The following PAPPA2 variants were observed in gnomAD, a reference collection of about 807,000 sequenced individuals.
PAPPA2 encodes pappalysin-2.
In PAPPA2, 86 loss-of-function variants were observed where a neutral mutation model predicts 176.4. The observed-to-expected ratio is 0.49, with a 90% confidence interval of 0.41 to 0.58. PAPPA2 has a LOEUF of 0.58. Among genes scored for constraint, PAPPA2 ranks in the 20% least tolerant of loss-of-function variants. PAPPA2 has a pLI of 0.00. For missense variants in PAPPA2, 2,073 were observed against 2,256.9 expected (o/e 0.92, Z 1.65); for synonymous variants, 809 against 852.2 (o/e 0.95, Z 0.88).
chr1:176,576,868 G>A (rs1166684753), intron 2 of PAPPA2, among the ~76,000 whole-genome samples: 9 of 152,122 alleles, frequency 5.9e-5, no homozygotes, highest in Admixed American at 4.6e-4. Context: ...CTTCTGACAG[G>A]TGCTGCTGAT....
intron 3 of PAPPA2, among the ~76,000 whole-genome samples, chr1:176,620,978 A>T (rs915059988): frequency 6.6e-6 from 1 of 152,204 alleles, no homozygotes; most frequent in African/African-American, 2.4e-5. Flanking sequence ...AGATACCAGC[A>T]AAGAGGTTAA....
chr1:176,624,908 A>C (rs1430592056), intron 3 of PAPPA2, among the ~76,000 whole-genome samples: 1 of 152,154 alleles, frequency 6.6e-6, no homozygotes, highest in Admixed American at 6.5e-5. Flanking sequence ...GGCAGGCAGG[A>C]GAGTGGATGT....
chr1:176,491,159 C>T lies in PAPPA2; in HGVS notation c.-917+27741C>T, dbSNP rs2102493517. Reference sequence around the variant, plus strand: ...TGATCAGACATTTACTACATGCTGGCTAAGTGCCAGGCACTATGGAAAGGC... The same window carrying T: ...TGATCAGACATTTACTACATGCTGGTTAAGTGCCAGGCACTATGGAAAGGC... On this transcript the variant is annotated intron_variant, in intron 1 of 22. Coordinates refer to ENST00000367662, the MANE Select transcript of PAPPA2 (RefSeq NM_020318.3). 2.6e-5 allele frequency among the ~76,000 whole-genome samples: 4 copies of T among 152,332 alleles called. No homozygotes were observed. In the South Asian group the frequency reaches 8.3e-4, roughly 32 times the overall value.
chr1:176,666,324 A>G (rs1336034344), intron 3 of PAPPA2, among the ~76,000 whole-genome samples: 1 of 152,188 alleles, frequency 6.6e-6, no homozygotes, highest in Non-Finnish European at 1.5e-5. Context: ...TAAGCAGTCA[A>G]TGACAACTTT....
intron 17 of PAPPA2, among the ~76,000 whole-genome samples, chr1:176,778,048 T>TAA (rs57909250): frequency 7.7e-6 from 1 of 130,712 alleles, no homozygotes; most frequent in African/African-American, 2.7e-5. Context: ...CAAAACAAAT[T>TAA]AAAAAAAAAA....
chr1:176,827,119 A>G (rs1011417383), intron 21 of PAPPA2, among the ~76,000 whole-genome samples: 3 of 152,168 alleles, frequency 2.0e-5, no homozygotes, highest in Admixed American at 2.0e-4. Flanking sequence ...GCCTTTTTCT[A>G]TTCCATATTA....
Position 176,595,196 on chromosome 1 carries a change from A to G in PAPPA2, c.1592A>G (p.Asn531Ser), listed in dbSNP as rs756074872. ...AAGGTGATACGCTACCAGGTGGTGA[A>G]CATCTGTGATGATGAGGGCCTAAAC... ...GEKVIRYQVV[N>S]ICDDEGLNPI... The change falls in exon 3 of 23, where the codon AAC becomes AGC. Residue 531 changes from asparagine (N) to serine (S), a missense_variant. Coordinates refer to ENST00000367662, the MANE Select transcript of PAPPA2 (RefSeq NM_020318.3). 6.2e-7 allele frequency: 1 copy of G among 1,614,186 alleles called. No homozygotes were observed. Among genetic ancestry groups the G allele is most frequent in the Non-Finnish European group, 8.5e-7 (1 of 1,180,030 alleles).
chr1:176,618,193 A>G (rs1655381013), intron 3 of PAPPA2, among the ~76,000 whole-genome samples: 1 of 152,214 alleles, frequency 6.6e-6, no homozygotes, highest in African/African-American at 2.4e-5. Flanking sequence ...GGAATGTTGC[A>G]GATTTTTATA....
chr1:176,532,955 C>G (rs1649893467), intron 1 of PAPPA2, among the ~76,000 whole-genome samples: 1 of 152,220 alleles, frequency 6.6e-6, no homozygotes, highest in Non-Finnish European at 1.5e-5. Context: ...CCATGGCAAT[C>G]TTGTGGGTGG....
chr1:176,717,691 A>G (rs928528550), intron 12 of PAPPA2, among the ~76,000 whole-genome samples: 1 of 152,250 alleles, frequency 6.6e-6, no homozygotes, highest in African/African-American at 2.4e-5. Flanking sequence ...TTTCTGAGAA[A>G]GTGGAGTTGA....
In PAPPA2 at chr1:176,498,048, A is replaced by G. The variant is rs558559316; in HGVS notation, c.-917+34630A>G. 1.1e-4 allele frequency among the ~76,000 whole-genome samples: 16 copies of G among 152,288 alleles called. No individual in the cohort carries two copies. The East Asian group carries it at 3.1e-3, about 29-fold the overall frequency. The stretch of plus-strand genomic sequence containing the variant: ...GCTCTGCACATCCCTTTAATTGTCT[A>G]GGCCTCTTTTAAAACATAGTACTCA... On this transcript the variant is annotated intron_variant, in intron 1 of 22. Coordinates refer to ENST00000367662, the MANE Select transcript of PAPPA2 (RefSeq NM_020318.3).
chr1:176,545,645 G>GGACTT (rs745854952), intron 1 of PAPPA2, among the ~76,000 whole-genome samples: 3 of 152,032 alleles, frequency 2.0e-5, no homozygotes, highest in Admixed American at 6.6e-5. Context: ...TTTATATAAG[G>GGACTT]GACTTGAGCA....
At position 176,586,132 on chromosome 1, in the gene PAPPA2, C is replaced by T. The variant is rs1038926131; in HGVS notation, c.920-8392C>T. ...TTCTGTGCATCCAGTAGAACAGTCA[C>T]CTCTTCCAATTTTATGAAATAGATT... On this transcript the variant is annotated intron_variant, in intron 2 of 22. Transcript: ENST00000367662. Among the ~76,000 whole-genome samples the T allele has an allele frequency of 2.0e-5, 3 of 152,216 alleles. No homozygotes were observed. In the South Asian group the frequency reaches 6.2e-4, roughly 32 times the overall value.
chr1:176,721,816 T>G (rs1661636008), intron 12 of PAPPA2, among the ~76,000 whole-genome samples: 1 of 152,152 alleles, frequency 6.6e-6, no homozygotes, highest in Non-Finnish European at 1.5e-5. Flanking sequence ...CAAAAAAATT[T>G]TTTTCAGGTA....
rs981017620 is a variant in PAPPA2 at position 176,581,873 on chromosome 1, G to T, written c.920-12651G>T. Among the ~76,000 whole-genome samples, 25 of 148,478 alleles carry T rather than the reference G, an allele frequency of 1.7e-4. No individual in the cohort carries two copies. The East Asian group carries it at 2.8e-3, about 16-fold the overall frequency. ...TTTTTTAAATTTTTGTTTATTTTTTGGGGGGGTGGAGTCTTTAGATTTTTC... is the reference window on the plus strand; with the variant it reads ...TTTTTTAAATTTTTGTTTATTTTTTTGGGGGGTGGAGTCTTTAGATTTTTC... On this transcript the variant is annotated intron_variant, in intron 2 of 22. Transcript: ENST00000367662.
intron 4 of PAPPA2, among the ~76,000 whole-genome samples, chr1:176,677,698 G>A (rs1210187792): frequency 6.6e-6 from 1 of 151,888 alleles, no homozygotes; most frequent in Non-Finnish European, 1.5e-5. Flanking sequence ...CTTACTCATT[G>A]GATACCATAC....
At chr1:176,705,993 A>G (rs1332642791) in intron 9 of PAPPA2, among the ~76,000 whole-genome samples, 1 of 152,204 alleles carries the variant, frequency 6.6e-6, no homozygotes, top group African/African-American at 2.4e-5. Context: ...TACCATCATC[A>G]GCTATTTTAA....
At chr1:176,785,255 T>C (rs556163911) in intron 17 of PAPPA2, among the ~76,000 whole-genome samples, 258 of 152,252 alleles carry the variant, frequency 1.7e-3, no homozygotes, top group Non-Finnish European at 2.8e-3. Flanking sequence ...TACCATGAAT[T>C]CTCAAGACTT....
intron 21 of PAPPA2, among the ~76,000 whole-genome samples, chr1:176,805,917 A>G (rs1379734630): frequency 7.3e-6 from 1 of 137,472 alleles, no homozygotes; most frequent in East Asian, 2.4e-4. Context: ...TGAGTCCAGG[A>G]GTTTAGGTTA....
Sources: allele counts gnomAD v4.1 joint callset (sites outside exome capture counted in the v4.1 genomes callset), GRCh38; gene constraint gnomAD v4.1.1; transcripts MANE v1.5; gene names NCBI Gene and HGNC (gene_info 2026-07-23, HGNC 2026-07-21).